The following HORMAD2 variants were observed in gnomAD, a reference collection of about 807,000 sequenced individuals.
The protein encoded by HORMAD2 is HORMA domain containing 2, also known as HORMA domain-containing protein 2.
In HORMAD2, 45 loss-of-function variants were observed where a neutral mutation model predicts 38.8. The ratio of observed to expected loss-of-function variants is 1.16; its 90% CI spans 0.91 to 1.49. The LOEUF (loss-of-function observed/expected upper bound fraction) is 1.49. Among genes scored for constraint, HORMAD2 ranks in the 40% most tolerant of loss-of-function variants. The pLI, the probability that HORMAD2 is intolerant of heterozygous loss-of-function variation, is 0.00. For missense variants in HORMAD2, 338 were observed against 367.0 expected (o/e 0.92, Z 0.65); for synonymous variants, 126 against 122.8 (o/e 1.03, Z -0.17).
intron 1 of HORMAD2, among the ~76,000 whole-genome samples, chr22:30,085,959 T>C (rs1415700058): frequency 6.6e-6 from 1 of 152,214 alleles, no homozygotes; most frequent in Non-Finnish European, 1.5e-5. Context: ...AAGGAAATTT[T>C]ACTAAGCCAT....
intron 7 of HORMAD2, 66 bp downstream of exon 7, chr22:30,112,588 A>T: frequency 1.6e-6 from 1 of 640,390 alleles, no homozygotes; most frequent in Non-Finnish European, 2.4e-6. Flanking sequence ...TGTTTTTCTG[A>T]GTTGAGGCTA....
At chr22:30,083,047 T>C (rs2068512452) in intron 1 of HORMAD2, among the ~76,000 whole-genome samples, 1 of 152,118 alleles carries the variant, frequency 6.6e-6, no homozygotes, top group Non-Finnish European at 1.5e-5. Context: ...GAAAGGAGTA[T>C]TGCTTGAGCC....
chr22:30,137,396 C>T, intron 10 of HORMAD2: 1 of 463,976 alleles, frequency 2.2e-6, no homozygotes, highest in Non-Finnish European at 4.2e-6. Flanking sequence ...GAAAATGGGT[C>T]AAGGTATTTG....
intron 10 of HORMAD2, among the ~76,000 whole-genome samples, chr22:30,123,509 A>G (rs1445316127): frequency 1.3e-5 from 2 of 150,318 alleles, no homozygotes; most frequent in Non-Finnish European, 3.0e-5. Context: ...TTTATTTTTT[A>G]ATTTTTTGTA....
At chr22:30,181,641 T>G (rs1352651635), downstream of HORMAD2, among the ~76,000 whole-genome samples, 2 of 152,202 alleles carry the variant, frequency 1.3e-5, no homozygotes, top group Non-Finnish European at 2.9e-5. Context: ...GTAGCTGTCT[T>G]TAAATTTATG....
intron 10 of HORMAD2, among the ~76,000 whole-genome samples, chr22:30,150,582 A>G (rs1206985006): frequency 1.3e-5 from 2 of 152,088 alleles, no homozygotes; most frequent in Admixed American, 6.5e-5. Context: ...GAGTGGGGGA[A>G]CTATGAATCT....
At chr22:30,187,501 TTGTG>T in the HORMAD2 span, among the ~76,000 whole-genome samples, 25,430 of 147,646 alleles carry the variant, frequency 0.17, 2,304 homozygotes, top group South Asian at 0.27. Flanking sequence ...TATATTTCCT[TTGTG>T]TGTGTGTGTG....
the HORMAD2 span, among the ~76,000 whole-genome samples, chr22:30,182,156 C>T: frequency 1.3e-5 from 2 of 152,106 alleles, no homozygotes; most frequent in African/African-American, 2.4e-5. Context: ...TGACTCTGTT[C>T]GACAATTTTA....
At chr22:30,088,195 GTATACATA>G (rs944112305) in intron 1 of HORMAD2, among the ~76,000 whole-genome samples, 18 of 146,190 alleles carry the variant, frequency 1.2e-4, no homozygotes, top group East Asian at 4.0e-4. Context: ...ATATACCTAT[GTATACATA>G]TATACATATA....
intron 10 of HORMAD2, among the ~76,000 whole-genome samples, chr22:30,125,542 T>C (rs948334216): frequency 6.6e-6 from 1 of 152,158 alleles, no homozygotes; most frequent in Non-Finnish European, 1.5e-5. Context: ...TTTCACTTTC[T>C]TTAAGAGGTC....
chr22:30,142,784 C>G (rs1007930951), intron 10 of HORMAD2, among the ~76,000 whole-genome samples: 1 of 152,070 alleles, frequency 6.6e-6, no homozygotes, highest in Admixed American at 6.6e-5. Flanking sequence ...TTTCCTTGCA[C>G]TGAGTGAATG....
At chr22:30,156,399 C>T (rs775759786) in intron 10 of HORMAD2, among the ~76,000 whole-genome samples, 11 of 152,166 alleles carry the variant, frequency 7.2e-5, no homozygotes, top group Non-Finnish European at 1.2e-4. Context: ...AGAGCCAAAT[C>T]ATTTTTGAAA....
chr22:30,171,580 G>A (rs1202510685), intron 10 of HORMAD2, among the ~76,000 whole-genome samples: 1 of 152,006 alleles, frequency 6.6e-6, no homozygotes, highest in African/African-American at 2.4e-5. Flanking sequence ...ACTTGTATCT[G>A]CTTGATGTCT....
chr22:30,193,226 G>A, the HORMAD2 span, among the ~76,000 whole-genome samples: 2 of 152,172 alleles, frequency 1.3e-5, no homozygotes, highest in Non-Finnish European at 2.9e-5. Flanking sequence ...TGACCTAACA[G>A]TGTAATGCAC....
rs540578097 is a variant in HORMAD2, at chr22:30,089,213, T to TC, written c.-37-4701dup. Among the ~76,000 whole-genome samples the TC allele has an allele frequency of 4.6e-5, 7 of 152,324 alleles. No individual in the cohort carries two copies. The East Asian group carries it at 1.2e-3, about 25-fold the overall frequency. On this transcript the variant is annotated intron_variant, in intron 1 of 10. Coordinates refer to ENST00000336726, the MANE Select transcript of HORMAD2 (RefSeq NM_152510.4). ...ATACACAAAAACCGGTCACAGGCTA[T>TC]CCTTGGTGATCCAGAATGGAATATC...
Position 30,103,465 on chromosome 22 carries a change from TA to T in HORMAD2, c.228del (p.Lys76AsnfsTer29). On this transcript the variant is annotated frameshift_variant, in exon 4 of 11. Transcript: ENST00000336726. LOFTEE classifies it high-confidence loss of function. ...TCAGTTTAAAAATCCTCCGAGAAGATAAAAAATGTCCCGGGTCACTGCATAT... is the reference window on the plus strand; with the variant it reads ...TCAGTTTAAAAATCCTCCGAGAAGATAAAAATGTCCCGGGTCACTGCATAT... ...DLSLKILREDKKCPGSLHIIR... is the reference protein window; with the variant it reads ...DLSLKILREDXKCPGSLHIIR... 3.2e-6 allele frequency: 5 copies of T among 1,541,982 alleles called. No homozygotes were observed. The highest frequency in any genetic ancestry group is 4.4e-6 in the Non-Finnish European group (5 of 1,136,362).
At chr22:30,078,583 G>A (rs1256255088), upstream of HORMAD2, among the ~76,000 whole-genome samples, 2 of 109,154 alleles carry the variant, frequency 1.8e-5, no homozygotes, top group Non-Finnish European at 3.4e-5. Flanking sequence ...TCCAGCCTGG[G>A]TGACAGAGCA....
In HORMAD2 at chr22:30,086,778, A is replaced by AT. The variant is rs539152618; in HGVS notation, c.-38+6290dup. Among the ~76,000 whole-genome samples, 362 of 152,064 alleles carry AT rather than the reference A, an allele frequency of 2.4e-3. 1 individual carries two copies. The highest frequency in any genetic ancestry group is 5.9e-3 in the Admixed American group (90 of 15,224). On this transcript the variant is annotated intron_variant, in intron 1 of 10. Transcript: ENST00000336726. ...CTGGCTAAAGTGAGGAGTTGGACAC[A>AT]TTTGAGATATATATATATATATGTA...
intron 5 of HORMAD2, among the ~76,000 whole-genome samples, chr22:30,108,479 C>T (rs750155883): frequency 1.3e-5 from 2 of 152,180 alleles, no homozygotes; most frequent in African/African-American, 2.4e-5. Flanking sequence ...CTGGAAACTT[C>T]TCTCCCCTGC....
Sources: allele counts gnomAD v4.1 joint callset (sites outside exome capture counted in the v4.1 genomes callset), GRCh38; gene constraint gnomAD v4.1.1; transcripts MANE v1.5; gene names NCBI Gene and HGNC (gene_info 2026-07-23, HGNC 2026-07-21).